The following BOC variants were observed in gnomAD, a reference collection of about 807,000 sequenced individuals.
The protein encoded by BOC is brother of CDO.
In BOC, 76 loss-of-function variants were observed where a neutral mutation model predicts 112.0. That is an observed-to-expected ratio of 0.68 (90% CI 0.56 to 0.82). The LOEUF is 0.82. Among genes scored for constraint, BOC ranks in the 40% least tolerant of loss-of-function variants. BOC has a pLI of 0.00. For missense variants in BOC, 1,309 were observed against 1,511.7 expected (o/e 0.87, Z 2.22); for synonymous variants, 580 against 599.8 (o/e 0.97, Z 0.48).
chr3:113,219,585 A>G (rs1430208115), intron 2 of BOC, among the ~76,000 whole-genome samples: 1 of 152,222 alleles, frequency 6.6e-6, no homozygotes, highest in Non-Finnish European at 1.5e-5. Flanking sequence ...AAAAGAAACG[A>G]AGCAAGCTTT....
intron 9 of BOC, among the ~76,000 whole-genome samples, chr3:113,276,682 G>A (rs13316462): frequency 0.02 from 3,114 of 152,326 alleles, 109 homozygotes; most frequent in African/African-American, 0.07. Context: ...CATGAAGCAA[G>A]TTTCATTTCC....
chr3:113,235,482 C>T (rs1943301350), intron 2 of BOC, among the ~76,000 whole-genome samples: 1 of 152,154 alleles, frequency 6.6e-6, no homozygotes, highest in Non-Finnish European at 1.5e-5. Flanking sequence ...CTTGTCTCAA[C>T]TGACCTACTG....
chr3:113,265,724 A>G (rs1427580030), intron 4 of BOC, among the ~76,000 whole-genome samples: 1 of 152,224 alleles, frequency 6.6e-6, no homozygotes, highest in Non-Finnish European at 1.5e-5. Context: ...GGACTGGGCT[A>G]AATAATTTGT....
Position 113,247,500 on chromosome 3 carries a change from G to GAAAAAAAAAAA in BOC, c.-81-2215_-81-2205dup, listed in dbSNP as rs58781225. 3.3e-4 allele frequency among the ~76,000 whole-genome samples: 42 copies of GAAAAAAAAAAA among 125,782 alleles called. No homozygotes were observed. The East Asian group carries it at 6.5e-3, about 19-fold the overall frequency. The allele number at this position is 125,782 out of a possible 152,430, so 82.5% of individuals were successfully genotyped here. On this transcript the variant is annotated intron_variant, in intron 2 of 19. Transcript: ENST00000682979. The stretch of plus-strand genomic sequence containing the variant: ...CCCACTGGTTTCAGAGCCCTGATAG[G>GAAAAAAAAAAA]AAAAAAAAAAAAAAAAAGGGAAAAA...
At position 113,279,473 on chromosome 3, in the gene BOC, C is replaced by G; in HGVS notation, c.2023+18C>G. ...AGAGAAAGGTAGGGGCCTGGCCACACCGTGGCCTTGGCCTGATCCCCCAGC... is the reference window on the plus strand; with the variant it reads ...AGAGAAAGGTAGGGGCCTGGCCACAGCGTGGCCTTGGCCTGATCCCCCAGC... On this transcript the variant is annotated intron_variant, in intron 12 of 19. Coordinates refer to ENST00000682979, the MANE Select transcript of BOC (RefSeq NM_001378074.1). The G allele has an allele frequency of 6.2e-7, 1 of 1,608,938 alleles. No homozygotes were observed. Among genetic ancestry groups the G allele is most frequent in the Non-Finnish European group, 8.5e-7 (1 of 1,176,786 alleles).
intron 1 of BOC, chr3:113,212,581 C>A (rs568548168): frequency 1.3e-5 from 2 of 152,254 alleles, no homozygotes; most frequent in African/African-American, 4.8e-5. Context: ...AGGAACTCAG[C>A]GGACCGGGAG....
At chr3:113,247,500 GAAAAAAAA>G (rs58781225) in intron 2 of BOC, among the ~76,000 whole-genome samples, 1 of 125,800 alleles carries the variant, frequency 7.9e-6, no homozygotes, top group South Asian at 2.7e-4. Flanking sequence ...GCCCTGATAG[GAAAAAAAA>G]AAAAAAAAAG....
rs1286448723 is a variant in BOC, at chr3:113,268,147, C to T, written c.377-152C>T. 3 of 1,226,836 alleles carry T rather than the reference C, an allele frequency of 2.4e-6. No individual in the cohort carries two copies. The African/African-American group carries it at 4.6e-5, about 19-fold the overall frequency. The allele number at this position is 1,226,836 out of a possible 1,614,324, so 76.0% of individuals were successfully genotyped here. On this transcript the variant is annotated intron_variant, in intron 4 of 19. Coordinates refer to ENST00000682979, the MANE Select transcript of BOC (RefSeq NM_001378074.1). Reference sequence around the variant, plus strand: ...CATTCTTACAAACTCCTGTAGACAACAAGGGGCTGGAGGAAGAACTCGGAG... The same window carrying T: ...CATTCTTACAAACTCCTGTAGACAATAAGGGGCTGGAGGAAGAACTCGGAG...
At chr3:113,222,504 G>A (rs541436635) in intron 2 of BOC, among the ~76,000 whole-genome samples, 4 of 152,182 alleles carry the variant, frequency 2.6e-5, no homozygotes, top group African/African-American at 7.2e-5. Flanking sequence ...AGTGTGCAAG[G>A]CTGCAACAGA....
intron 4 of BOC, chr3:113,251,041 G>T: frequency 1.6e-6 from 1 of 641,298 alleles, no homozygotes; most frequent in Non-Finnish European, 2.7e-6. Flanking sequence ...CCAAGTAGAG[G>T]CTGTATCTGG....
At chr3:113,217,743 C>T (rs1222514219) in intron 2 of BOC, among the ~76,000 whole-genome samples, 24 of 152,200 alleles carry the variant, frequency 1.6e-4, no homozygotes, top group Admixed American at 1.6e-3. Context: ...TGAGACACAA[C>T]ATTTCATGTT....
At chr3:113,280,820 T>C (rs1949123118) in intron 14 of BOC, among the ~76,000 whole-genome samples, 157 bp downstream of exon 14, 1 of 152,182 alleles carries the variant, frequency 6.6e-6, no homozygotes, top group Admixed American at 6.5e-5. Context: ...ATAATACCCT[T>C]GAAGCTGTCA....
chr3:113,226,314 T>C (rs1941652872), intron 2 of BOC, among the ~76,000 whole-genome samples: 1 of 152,184 alleles, frequency 6.6e-6, no homozygotes, highest in Admixed American at 6.5e-5. Context: ...TGGGTCTTTC[T>C]CCATGTGGGG....
intron 4 of BOC, among the ~76,000 whole-genome samples, chr3:113,263,938 G>A (rs1947172729): frequency 6.6e-6 from 1 of 152,216 alleles, no homozygotes; most frequent in Admixed American, 6.5e-5. Context: ...TGAATGTGAA[G>A]AGAACACAGA....
chr3:113,264,746 G>C (rs1171816041), intron 4 of BOC, among the ~76,000 whole-genome samples: 1 of 152,126 alleles, frequency 6.6e-6, no homozygotes, highest in African/African-American at 2.4e-5. Context: ...TGATCCCTTA[G>C]TGAAACTCAA....
chr3:113,285,477 G>A lies in BOC; in HGVS notation c.3072G>A (p.Glu1024=). 1 of 1,614,130 alleles carries A rather than the reference G, an allele frequency of 6.2e-7. No individual in the cohort carries two copies. The highest frequency in any genetic ancestry group is 1.1e-5 in the South Asian group (1 of 91,074). Residue 1024 remains glutamate (E), a synonymous_variant, in exon 19 of 20, where the codon GAG becomes GAA. Transcript: ENST00000682979. ...QPHHDCCQRQ[E]QPAAVGQSGV... is the part of the protein sequence containing the mutation. ...ATCACGACTGCTGCCAACGCCAGGA[G>A]CAGCCTGCTGCTGTGGGCCAGTCAG...
intron 2 of BOC, among the ~76,000 whole-genome samples, chr3:113,245,123 T>C (rs1944749112): frequency 6.6e-6 from 1 of 152,186 alleles, no homozygotes; most frequent in African/African-American, 2.4e-5. Context: ...TCCCTCCGAA[T>C]TAAAAAAAAT....
At chr3:113,240,239 A>C (rs1944110685) in intron 2 of BOC, among the ~76,000 whole-genome samples, 1 of 152,220 alleles carries the variant, frequency 6.6e-6, no homozygotes, top group South Asian at 2.1e-4. Flanking sequence ...GAATGTATCA[A>C]GCTTGGAAGG....
rs114445017 is a variant in BOC at position 113,268,772 on chromosome 3, A to G, written c.523+327A>G. Among the ~76,000 whole-genome samples, 802 of 152,240 alleles carry G rather than the reference A, an allele frequency of 5.3e-3. 10 individuals carry two copies. Among genetic ancestry groups the G allele is most frequent in the African/African-American group, 0.019 (782 of 41,546 alleles). ...CAGGCACACGCCACCATGCTTGGCT[A>G]ACTTTAATTTTATTTGTTACAGAGA... On this transcript the variant is annotated intron_variant, in intron 5 of 19. Coordinates refer to ENST00000682979, the MANE Select transcript of BOC (RefSeq NM_001378074.1).
Sources: allele counts gnomAD v4.1 joint callset (sites outside exome capture counted in the v4.1 genomes callset), GRCh38; gene constraint gnomAD v4.1.1; transcripts MANE v1.5; gene names NCBI Gene and HGNC (gene_info 2026-07-23, HGNC 2026-07-21).